Variants in GATAD1 observed in about 807,000 individuals in gnomAD.
The protein encoded by GATAD1 is GATA zinc finger domain containing 1.
GATAD1 carries 12 observed loss-of-function variants against 26.5 expected under a neutral mutation model. The observed-to-expected ratio is 0.45, with a 90% CI of 0.29 to 0.73. GATAD1 has a LOEUF of 0.73. Ranked by LOEUF, GATAD1 falls within the 30% of genes least tolerant of loss-of-function variation. The pLI is 0.10. For missense variants in GATAD1, 266 were observed against 342.1 expected (o/e 0.78, Z 1.75); for synonymous variants, 129 against 133.1 (o/e 0.97, Z 0.21).
the GATAD1 span, among the ~76,000 whole-genome samples, chr7:92,484,609 T>C: frequency 6.6e-6 from 1 of 152,048 alleles, no homozygotes; most frequent in Non-Finnish European, 1.5e-5. Context: ...AGAACTGGAA[T>C]TGGAAGGACA....
At chr7:92,480,255 G>C in the GATAD1 span, among the ~76,000 whole-genome samples, 1 of 152,194 alleles carries the variant, frequency 6.6e-6, no homozygotes, top group Non-Finnish European at 1.5e-5. Flanking sequence ...GACTGCAGTG[G>C]CCTTCTCAGA....
downstream of GATAD1, among the ~76,000 whole-genome samples, chr7:92,460,866 A>G (rs1018182376): frequency 6.6e-6 from 1 of 151,370 alleles, no homozygotes; most frequent in Non-Finnish European, 1.5e-5. Context: ...TTTCAGCTTT[A>G]TACTTCGCAG....
Position 92,456,549 on chromosome 7 carries a change from C to G in GATAD1, c.797C>G (p.Ala266Gly). 1 of 1,610,636 alleles carries G rather than the reference C, an allele frequency of 6.2e-7. No individual in the cohort carries two copies. The highest frequency in any genetic ancestry group is 2.2e-5 in the East Asian group (1 of 44,772). Residue 266 changes from alanine to glycine, a missense_variant, in exon 5 of 5, where the codon GCC becomes GGC. Ala to Gly is a moderately conservative substitution (Grantham distance 60). Transcript: ENST00000287957. ...GCAATAACAATTAAGGAATCAGTTG[C>G]CAACCATTTGTAGTTCACAAATTAA... ...TPAITIKESVANHL is the reference protein window; with the variant it reads ...TPAITIKESVGNHL
At chr7:92,453,941 T>A (rs972461135) in intron 3 of GATAD1, 7 of 156,118 alleles carry the variant, frequency 4.5e-5, no homozygotes, top group African/African-American at 1.7e-4. Flanking sequence ...TATGATACTA[T>A]AATGGTGGGT....
intron 3 of GATAD1, among the ~76,000 whole-genome samples, chr7:92,452,889 T>G (rs1253727747): frequency 3.8e-4 from 58 of 152,266 alleles, no homozygotes; most frequent in Admixed American, 3.8e-3. Context: ...TAAGCAAGTA[T>G]TCTCATTTAG....
At chr7:92,489,867 C>A in the GATAD1 span, 1 of 1,614,044 alleles carries the variant, frequency 6.2e-7, no homozygotes, top group East Asian at 2.2e-5. Context: ...GAACTCCAGG[C>A]AAATCCTGAG....
the GATAD1 span, among the ~76,000 whole-genome samples, chr7:92,485,225 C>T: frequency 6.6e-6 from 1 of 152,176 alleles, no homozygotes; most frequent in Non-Finnish European, 1.5e-5. Flanking sequence ...TGGATGTATA[C>T]GTGCAGGTCA....
chr7:92,477,821 T>C, the GATAD1 span: 91 of 174,972 alleles, frequency 5.2e-4, no homozygotes, highest in Non-Finnish European at 8.1e-4. Flanking sequence ...TGGTGGACGG[T>C]GAGCAAAAGC....
the GATAD1 span, among the ~76,000 whole-genome samples, chr7:92,483,852 A>T: frequency 7.2e-5 from 11 of 152,060 alleles, no homozygotes; most frequent in Admixed American, 6.6e-4. Flanking sequence ...AAGAATTGGG[A>T]CCTGGCTCGG....
At chr7:92,464,291 T>A (rs1349532841), downstream of GATAD1, among the ~76,000 whole-genome samples, 1 of 152,204 alleles carries the variant, frequency 6.6e-6, no homozygotes, top group Non-Finnish European at 1.5e-5. Flanking sequence ...CTCCTGGACT[T>A]GAATATCCAT....
At chr7:92,460,127 G>C (rs1789865850), downstream of GATAD1, among the ~76,000 whole-genome samples, 1 of 151,932 alleles carries the variant, frequency 6.6e-6, no homozygotes, top group Admixed American at 6.6e-5. Flanking sequence ...GGCCTAATAA[G>C]TTTTCCACTT....
chr7:92,474,146 CT>C, the GATAD1 span, among the ~76,000 whole-genome samples: 1 of 151,824 alleles, frequency 6.6e-6, no homozygotes, highest in African/African-American at 2.4e-5. Flanking sequence ...AAGCGGTGGC[CT>C]TTTTTTTAAT....
the GATAD1 span, among the ~76,000 whole-genome samples, chr7:92,483,139 T>C: frequency 6.6e-6 from 1 of 151,966 alleles, no homozygotes; most frequent in South Asian, 2.1e-4. Flanking sequence ...GGCTGCCGGG[T>C]GAGTTGGACA....
chr7:92,492,781 C>G, the GATAD1 span, among the ~76,000 whole-genome samples: 1 of 152,096 alleles, frequency 6.6e-6, no homozygotes, highest in Admixed American at 6.5e-5. Context: ...ATTATAAATT[C>G]TCTGCAAAAC....
At chr7:92,485,706 C>CCCTT in the GATAD1 span, among the ~76,000 whole-genome samples, 1 of 152,286 alleles carries the variant, frequency 6.6e-6, no homozygotes, top group African/African-American at 2.4e-5. Context: ...GAGGGAGTAG[C>CCCTT]CCTTACAAAC....
chr7:92,458,192 G>A lies in GATAD1; in HGVS notation c.*1630G>A, dbSNP rs751771751. 2.0e-5 allele frequency: 3 copies of A among 152,140 alleles called. No homozygotes were observed. The highest frequency in any genetic ancestry group is 4.4e-5 in the Non-Finnish European group (3 of 68,034). The allele number at this position is 152,140 out of a possible 1,614,324, so 9.4% of individuals were successfully genotyped here. On this transcript the variant is annotated 3_prime_UTR_variant, in exon 5 of 5. Coordinates refer to ENST00000287957, the MANE Select transcript of GATAD1 (RefSeq NM_021167.5). ...ATCCTTCTGTAGAAACAGGCATTCA[G>A]AACCATTCCATTGATCTTAATAAAG...
At chr7:92,476,090 C>T in the GATAD1 span, among the ~76,000 whole-genome samples, 2 of 152,202 alleles carry the variant, frequency 1.3e-5, no homozygotes, top group Non-Finnish European at 2.9e-5. Flanking sequence ...GGAGTTCCGC[C>T]TAGGTCTGGT....
At chr7:92,491,057 C>T in the GATAD1 span, among the ~76,000 whole-genome samples, 3 of 152,168 alleles carry the variant, frequency 2.0e-5, no homozygotes, top group Non-Finnish European at 4.4e-5. Context: ...CACAACCACG[C>T]GCTACTTTGG....
chr7:92,479,714 T>C, the GATAD1 span, among the ~76,000 whole-genome samples: 301 of 152,086 alleles, frequency 2.0e-3, no homozygotes, highest in African/African-American at 6.8e-3. Context: ...TCGAGAGGGA[T>C]TATGGGCGGC....
Sources: gnomAD v4.1 joint callset for allele counts (sites outside exome capture counted in the v4.1 genomes callset) on GRCh38, gnomAD v4.1.1 for gene constraint, MANE v1.5 for transcripts, NCBI Gene and HGNC (gene_info 2026-07-23, HGNC 2026-07-21) for gene names.